Variants in STOX2 observed in about 807,000 individuals in gnomAD.
STOX2 encodes storkhead-box protein 2.
Under a neutral mutation model 60.9 loss-of-function variants are expected in STOX2, and 28 were observed. The ratio of observed to expected loss-of-function variants is 0.46; its 90% CI spans 0.34 to 0.63. The LOEUF (loss-of-function observed/expected upper bound fraction) is 0.63. Among genes scored for constraint, STOX2 ranks in the 30% least tolerant of loss-of-function variants. The probability of loss-of-function intolerance (pLI) is 0.01; values close to 1 mark genes in which losing one functional copy is unlikely to be tolerated. For missense variants in STOX2, 1,024 were observed against 1,187.7 expected (o/e 0.86, Z 2.03); for synonymous variants, 472 against 463.9 (o/e 1.02, Z -0.22).
At chr4:183,955,344 A>G (rs1177513018) in intron 1 of STOX2, among the ~76,000 whole-genome samples, 15 of 152,212 alleles carry the variant, frequency 9.9e-5, no homozygotes, top group Admixed American at 9.8e-4. Flanking sequence ...GTCTGCAGTT[A>G]ATGATTGCCT....
At chr4:183,888,379 G>A (rs1037446406) in intron 1 of STOX2, among the ~76,000 whole-genome samples, 1 of 152,158 alleles carries the variant, frequency 6.6e-6, no homozygotes, top group Non-Finnish European at 1.5e-5. Context: ...TTACAGCCGG[G>A]GAAACTGAGG....
intron 1 of STOX2, among the ~76,000 whole-genome samples, chr4:183,985,366 C>T (rs373275616): frequency 8.6e-5 from 13 of 151,752 alleles, no homozygotes; most frequent in Admixed American, 4.6e-4. Context: ...CATACATAAA[C>T]GTGTAAAAGG....
At chr4:183,931,297 G>A (rs1005591673) in intron 1 of STOX2, among the ~76,000 whole-genome samples, 6 of 152,054 alleles carry the variant, frequency 3.9e-5, no homozygotes, top group African/African-American at 7.2e-5. Context: ...GGTGGCATGC[G>A]CCTGTAGTCT....
chr4:183,961,018 C>T (rs1324724329), intron 1 of STOX2, among the ~76,000 whole-genome samples: 1 of 152,160 alleles, frequency 6.6e-6, no homozygotes, highest in East Asian at 1.9e-4. Flanking sequence ...ACCCCTGGTT[C>T]TCTGTGACAC....
At chr4:183,944,254 C>T (rs916128268) in intron 1 of STOX2, among the ~76,000 whole-genome samples, 1 of 152,218 alleles carries the variant, frequency 6.6e-6, no homozygotes. Context: ...CTGCCCTACT[C>T]CTCCATGTCC....
chr4:183,989,169 G>GTTTTTTT (rs11421201), intron 1 of STOX2, among the ~76,000 whole-genome samples: 17 of 80,014 alleles, frequency 2.1e-4, no homozygotes, highest in Non-Finnish European at 2.1e-4. Flanking sequence ...ATTTTTTCTG[G>GTTTTTTT]TTTTTTTTTT....
chr4:183,961,009 C>T (rs1423871358), intron 1 of STOX2, among the ~76,000 whole-genome samples: 1 of 152,154 alleles, frequency 6.6e-6, no homozygotes, highest in Admixed American at 6.5e-5. Context: ...CTCAGCCCTA[C>T]CCCTGGTTCT....
chr4:183,945,296 A>G (rs181514784), intron 1 of STOX2, among the ~76,000 whole-genome samples: 12 of 152,314 alleles, frequency 7.9e-5, no homozygotes, highest in Admixed American at 1.3e-4. Context: ...GAAGTGGAAG[A>G]GACACAGGAA....
At chr4:183,919,787 G>A (rs1742046573) in intron 1 of STOX2, among the ~76,000 whole-genome samples, 1 of 151,988 alleles carries the variant, frequency 6.6e-6, no homozygotes, top group Non-Finnish European at 1.5e-5. Context: ...AAATTTTTTT[G>A]TAGACTGGGT....
chr4:183,818,697 C>T (rs996460140), intron 1 of STOX2, among the ~76,000 whole-genome samples: 3 of 151,434 alleles, frequency 2.0e-5, no homozygotes, highest in African/African-American at 7.3e-5. Flanking sequence ...CCCCACCTCC[C>T]GGACGGGGTA....
At chr4:183,801,277 GA>G (rs1293933248) in intron 1 of STOX2, among the ~76,000 whole-genome samples, 10 of 152,134 alleles carry the variant, frequency 6.6e-5, no homozygotes, top group African/African-American at 2.4e-4. Flanking sequence ...TGGGCATATA[GA>G]AAAAAAGTTT....
intron 1 of STOX2, among the ~76,000 whole-genome samples, chr4:183,984,758 T>A (rs560558814): frequency 6.6e-6 from 1 of 152,274 alleles, no homozygotes; most frequent in Non-Finnish European, 1.5e-5. Context: ...TGCCCACACT[T>A]CATCAACTGA....
rs778760087 is a variant in STOX2 at position 184,011,291 on chromosome 4, T to C, written c.2453T>C (p.Phe818Ser). ...REKERDLQRK[F>S]EKNLTLLAPK... ...AAGGAAAGAGACTTGCAGAGGAAAT[T>C]TGAAAAGAACCTCACCCTTCTTGCT... Residue 818 changes from phenylalanine to serine, a missense_variant, in exon 3 of 4, where the codon TTT becomes TCT. Physicochemically the swap from Phe to Ser is radical, Grantham distance 155 (BLOSUM62 -2). Coordinates refer to ENST00000308497, the MANE Select transcript of STOX2 (RefSeq NM_020225.3). The surrounding 1 kb of genome is among the most constrained non-coding windows in gnomAD (Gnocchi z 4.4). 2 of 1,613,848 alleles carry C rather than the reference T, an allele frequency of 1.2e-6. No individual in the cohort carries two copies. Among genetic ancestry groups the C allele is most frequent in the Admixed American group, 3.3e-5 (2 of 60,010 alleles).
intron 1 of STOX2, among the ~76,000 whole-genome samples, chr4:183,996,760 T>C (rs1350693414): frequency 6.6e-6 from 1 of 152,154 alleles, no homozygotes; most frequent in Non-Finnish European, 1.5e-5. Flanking sequence ...TAATTTTTAA[T>C]TTCTTATTGC....
At chr4:183,970,722 A>T (rs1743719415) in intron 1 of STOX2, among the ~76,000 whole-genome samples, 1 of 152,220 alleles carries the variant, frequency 6.6e-6, no homozygotes, top group Admixed American at 6.5e-5. Flanking sequence ...GCAGCCAGAG[A>T]TTAAAATCCT....
chr4:183,891,134 T>C (rs1741198602), intron 1 of STOX2, among the ~76,000 whole-genome samples: 1 of 151,710 alleles, frequency 6.6e-6, no homozygotes, highest in East Asian at 1.9e-4. Context: ...AATAATCCAA[T>C]GTGGCACAAC....
chr4:183,885,096 T>C (rs1456744555), intron 1 of STOX2, among the ~76,000 whole-genome samples: 1 of 152,180 alleles, frequency 6.6e-6, no homozygotes, highest in Admixed American at 6.5e-5. Context: ...CCGTGTCTTC[T>C]GGTAATTGGG....
chr4:183,896,380 T>C (rs1346471145), intron 1 of STOX2, among the ~76,000 whole-genome samples: 1 of 152,216 alleles, frequency 6.6e-6, no homozygotes, highest in Non-Finnish European at 1.5e-5. Flanking sequence ...TCTTACTCTG[T>C]TGCTGAGATT....
intron 1 of STOX2, among the ~76,000 whole-genome samples, chr4:183,851,558 G>A (rs1488273891): frequency 2.1e-5 from 2 of 96,374 alleles, no homozygotes; most frequent in Non-Finnish European, 4.3e-5. Flanking sequence ...TGAGAGAAAC[G>A]ATGAGGGAAA....
Sources: gnomAD v4.1 joint callset for allele counts (sites outside exome capture counted in the v4.1 genomes callset) on GRCh38, gnomAD v4.1.1 for gene constraint, Gnocchi (gnomAD v3.1) non-coding constraint, MANE v1.5 for transcripts, NCBI Gene and HGNC (gene_info 2026-07-23, HGNC 2026-07-21) for gene names.